Variants in AKNA observed in about 807,000 individuals in gnomAD.
The protein encoded by AKNA is AT-hook transcription factor.
AKNA carries 67 observed loss-of-function variants against 138.8 expected under a neutral mutation model. The ratio of observed to expected loss-of-function variants is 0.48; its 90% CI spans 0.40 to 0.59. The LOEUF (loss-of-function observed/expected upper bound fraction) is 0.59. Ranked by LOEUF, AKNA falls within the 20% of genes least tolerant of loss-of-function variation. The pLI is 0.00. For missense variants in AKNA, 1,813 were observed against 1,880.4 expected (o/e 0.96, Z 0.66); for synonymous variants, 737 against 754.4 (o/e 0.98, Z 0.38).
intron 6 of AKNA, among the ~76,000 whole-genome samples, chr9:114,366,973 T>C (rs1832409492): frequency 1.3e-5 from 2 of 152,202 alleles, no homozygotes. Context: ...TGCCCCAGTT[T>C]TCTCACTTCT....
rs147861969 is a variant in AKNA at position 114,376,522 on chromosome 9, C to T, written c.1285G>A (p.Val429Ile). Residue 429 changes from valine (V) to isoleucine (I), a missense_variant, in exon 3 of 22, where the codon GTA becomes ATA. Physicochemically the swap from Val to Ile is conservative, Grantham distance 29. Coordinates refer to ENST00000374088, the MANE Select transcript of AKNA (RefSeq NM_001317950.2). ...DTPPAHPITR[V>I]PQEFQTPEQA... The stretch of plus-strand genomic sequence containing the variant: ...TCAGGCGTCTGAAATTCTTGGGGTA[C>T]CCTGGTGATAGGGTGGGCAGGAGGC... The T allele has an allele frequency of 3.9e-5, 63 of 1,613,836 alleles. 2 individuals carry two copies. The South Asian group carries it at 6.1e-4, about 16-fold the overall frequency.
intron 1 of AKNA, chr9:114,383,143 T>C: frequency 2.2e-6 from 1 of 455,976 alleles, no homozygotes; most frequent in Non-Finnish European, 4.4e-6. Flanking sequence ...AGGTGTGGTT[T>C]AAAAGTTCCC....
chr9:114,331,552 C>T, downstream of AKNA: 2 of 1,606,680 alleles, frequency 1.2e-6, no homozygotes, highest in Non-Finnish European at 1.7e-6. Context: ...CCCAGAGGCT[C>T]TTTTTCTCTT....
chr9:114,343,749 A>T lies in AKNA; in HGVS notation c.3716T>A (p.Val1239Asp). 6.2e-7 allele frequency: 1 copy of T among 1,614,062 alleles called. No individual in the cohort carries two copies. The highest frequency in any genetic ancestry group is 1.1e-5 in the South Asian group (1 of 91,074). The change falls in exon 19 of 22, where the codon GTC becomes GAC. Residue 1239 changes from valine (V) to aspartate (D), a missense_variant. Transcript: ENST00000374088. ...PKAVPKGNGT[V>D]SCPHCRPIRT... ...AATGGGCCGGCAGTGGGGACAGGAG[A>T]CTGTGCCATTGCCTTTTGGGACCGC...
chr9:114,374,243 C>T, intron 3 of AKNA, 76 bp from the exon 4 acceptor site: 1 of 1,394,826 alleles, frequency 7.2e-7, no homozygotes, highest in Non-Finnish European at 9.9e-7. Context: ...ACCCTGATAG[C>T]AAACCCCCTT....
chr9:114,336,829 T>A lies in AKNA; in HGVS notation c.*225A>T, dbSNP rs542180312. ...GGAGGCCTCGCTCACAGCACCTCTGTGAGGGGACTGGTGCTCCTGGGAAGT... is the reference window on the plus strand; with the variant it reads ...GGAGGCCTCGCTCACAGCACCTCTGAGAGGGGACTGGTGCTCCTGGGAAGT... On this transcript the variant is annotated 3_prime_UTR_variant, in exon 22 of 22. Coordinates refer to ENST00000374088, the MANE Select transcript of AKNA (RefSeq NM_001317950.2). The A allele has an allele frequency of 2.1e-6, 1 of 484,850 alleles. No homozygotes were observed. The highest frequency in any genetic ancestry group is 3.3e-5 in the East Asian group (1 of 30,010). 30.0% of individuals were successfully genotyped at this position (484,850 alleles called of 1,614,324 possible).
At chr9:114,345,548 C>A in intron 18 of AKNA, 1 of 255,936 alleles carries the variant, frequency 3.9e-6, no homozygotes, top group Non-Finnish European at 7.5e-6. Context: ...ACCCTGTATG[C>A]TCCGAGCCGG....
At chr9:114,385,328 T>C (rs1029169445) in intron 1 of AKNA, among the ~76,000 whole-genome samples, 4 of 152,192 alleles carry the variant, frequency 2.6e-5, no homozygotes, top group Admixed American at 6.5e-5. Context: ...GGCCCTGGGA[T>C]AGGGCCCAGG....
chr9:114,377,182 C>T lies in AKNA; in HGVS notation c.625G>A (p.Asp209Asn), dbSNP rs200965180. 1.1e-5 allele frequency: 18 copies of T among 1,614,122 alleles called. No individual in the cohort carries two copies. Among genetic ancestry groups the T allele is most frequent in the South Asian group, 3.3e-5 (3 of 91,074 alleles). ...RSWSSGTVSLDHPSDSLDSTW... is the reference protein window; with the variant it reads ...RSWSSGTVSLNHPSDSLDSTW... ...GAATCAAGGCTGTCACTAGGGTGGT[C>T]GAGGCTCACTGTCCCACTGCTCCAG... The change falls in exon 3 of 22, where the codon GAC (aspartate) becomes AAC (asparagine). Residue 209 changes from aspartate (D) to asparagine (N), a missense_variant. Transcript: ENST00000374088.
At chr9:114,351,745 C>T (rs1247110669) in intron 14 of AKNA, among the ~76,000 whole-genome samples, 2 of 151,938 alleles carry the variant, frequency 1.3e-5, no homozygotes, top group Non-Finnish European at 2.9e-5. Context: ...GCAGGAGGAT[C>T]GCTTGGGCCA....
intron 1 of AKNA, among the ~76,000 whole-genome samples, chr9:114,393,520 C>T (rs888141860): frequency 2.0e-5 from 3 of 151,976 alleles, no homozygotes; most frequent in African/African-American, 4.8e-5. Context: ...CCACCGTGCC[C>T]GGCCCTGGAC....
In AKNA at chr9:114,377,474, G is replaced by A. The variant is rs73656092; in HGVS notation, c.333C>T (p.Leu111=). ...TGTCCAGCTGACGGCCCTGCTGGGG[G>A]AGCCAGGCAAGAGGCTCATGGGAAC... ...PASSHEPLAW[L]PQQGRQLDMT... The change falls in exon 3 of 22, where the codon CTC becomes CTT. Residue 111 remains leucine, a synonymous_variant. Transcript: ENST00000374088. The A allele has an allele frequency of 5.5e-3, 8,933 of 1,613,208 alleles. 454 individuals carry two copies. In the African/African-American group the frequency reaches 0.1, roughly 19 times the overall value.
In AKNA at chr9:114,358,156, T is replaced by C; in HGVS notation, c.2504A>G (p.Glu835Gly). ...SHGAPLEEAT[E>G]KMVSMKPPGF... ...TGGTGGCTTCATAGATACCATCTTC[T>C]CCGTGGCCTCCCTGGCATGGGAAGA... The change falls in exon 12 of 22, where the codon GAG (glutamate) becomes GGG (glycine). Residue 835 changes from glutamate (E) to glycine (G), a missense_variant. Glu to Gly is a moderately conservative substitution (Grantham distance 98, BLOSUM62 -2). Coordinates refer to ENST00000374088, the MANE Select transcript of AKNA (RefSeq NM_001317950.2). The C allele has an allele frequency of 6.2e-7, 1 of 1,614,060 alleles. No homozygotes were observed. Among genetic ancestry groups the C allele is most frequent in the South Asian group, 1.1e-5 (1 of 91,086 alleles).
At chr9:114,331,159 A>G (rs1471090526), downstream of AKNA, among the ~76,000 whole-genome samples, 1 of 152,098 alleles carries the variant, frequency 6.6e-6, no homozygotes. Flanking sequence ...GCCCTCTTTA[A>G]GATCCTTTGC....
At chr9:114,367,321 A>AG (rs1271800480) in intron 6 of AKNA, among the ~76,000 whole-genome samples, 1 of 152,054 alleles carries the variant, frequency 6.6e-6, no homozygotes, top group African/African-American at 2.4e-5. Flanking sequence ...ATTGCCAAAA[A>AG]GGGGGGTGAG....
chr9:114,389,454 C>A (rs2132146774), upstream of AKNA, among the ~76,000 whole-genome samples: 1 of 152,290 alleles, frequency 6.6e-6, no homozygotes, highest in Admixed American at 6.5e-5. Context: ...TCACTGTGGA[C>A]CTGGGTTCAA....
At chr9:114,394,333 CA>C (rs1834462419) in intron 1 of AKNA, 1 of 152,064 alleles carries the variant, frequency 6.6e-6, no homozygotes, top group Non-Finnish European at 1.5e-5. Context: ...TTCTTAAAAA[CA>C]AAACAAACGA....
intron 7 of AKNA, 137 bp from the exon 8 acceptor site, chr9:114,362,670 G>C: frequency 8.1e-7 from 1 of 1,228,126 alleles, no homozygotes; most frequent in Non-Finnish European, 1.1e-6. Context: ...GATACAGGCT[G>C]AGGTTGAGAT....
At chr9:114,364,690 C>T in intron 6 of AKNA, 71 bp from the exon 7 acceptor site, 1 of 1,511,236 alleles carries the variant, frequency 6.6e-7, no homozygotes, top group Non-Finnish European at 9.2e-7. Context: ...CCAGCCACAT[C>T]TATGCCTTGG....
Sources: gnomAD v4.1 joint callset for allele counts (sites outside exome capture counted in the v4.1 genomes callset) on GRCh38, gnomAD v4.1.1 for gene constraint, MANE v1.5 for transcripts, NCBI Gene and HGNC (gene_info 2026-07-23, HGNC 2026-07-21) for gene names.